CNTN1: variants seen among roughly 807,000 people sequenced by gnomAD.
CNTN1 encodes contactin 1.
CNTN1 carries 38 observed loss-of-function variants against 126.4 expected under a neutral mutation model. The ratio of observed to expected loss-of-function variants is 0.30; its 90% CI spans 0.23 to 0.39. The LOEUF (loss-of-function observed/expected upper bound fraction) is 0.39. Among genes scored for constraint, CNTN1 ranks in the 10% least tolerant of loss-of-function variants. The pLI is 1.00. For synonymous variants in CNTN1, 413 were observed against 422.6 expected (o/e 0.98, Z 0.28); for missense variants, 1,009 against 1,248.4 (o/e 0.81, Z 2.89).
In CNTN1 at chr12:40,917,221, C is replaced by A. The variant is rs141438591; in HGVS notation, c.95-1418C>A. Among the ~76,000 whole-genome samples the A allele has an allele frequency of 2.5e-3, 376 of 151,992 alleles. 1 individual carries two copies. The highest frequency in any genetic ancestry group is 8.4e-3 in the African/African-American group (350 of 41,474). The stretch of plus-strand genomic sequence containing the variant: ...AGAAGCTTCATGATTAGTTGAATAG[C>A]TTATATACATAAGAAACATAAACAA... On this transcript the variant is annotated intron_variant, in intron 3 of 23. Coordinates refer to ENST00000551295, the MANE Select transcript of CNTN1 (RefSeq NM_001843.4).
rs1950171523 is a variant in CNTN1 at position 41,072,299 on chromosome 12, T to C, written c.*2264T>C. On this transcript the variant is annotated 3_prime_UTR_variant, in exon 24 of 24. Coordinates refer to ENST00000551295, the MANE Select transcript of CNTN1 (RefSeq NM_001843.4). Reference sequence around the variant, plus strand: ...TGATACTGATAAATATTGAATTGATTTTTTAGTTATTTTTTATCATTTTTT... The same window carrying C: ...TGATACTGATAAATATTGAATTGATCTTTTAGTTATTTTTTATCATTTTTT... 1 of 152,214 alleles carries C rather than the reference T, an allele frequency of 6.6e-6. No individual in the cohort carries two copies. Among genetic ancestry groups the C allele is most frequent in the African/African-American group, 2.4e-5 (1 of 41,460 alleles). 9.4% of individuals were successfully genotyped at this position (152,214 alleles called of 1,614,324 possible). A position where few individuals can be genotyped will look rare whatever the true frequency, so the allele number is the denominator to read the frequency against.
At chr12:40,920,496 A>T (rs916217797) in intron 4 of CNTN1, among the ~76,000 whole-genome samples, 1 of 110,942 alleles carries the variant, frequency 9.0e-6, no homozygotes. Flanking sequence ...TGCATTTGAC[A>T]GGAAAAAAAA....
intron 15 of CNTN1, among the ~76,000 whole-genome samples, chr12:40,959,512 A>C (rs1486245262): frequency 6.6e-6 from 1 of 152,098 alleles, no homozygotes; most frequent in East Asian, 1.9e-4. Context: ...ACTTACCAAA[A>C]GTTCTCGTTT....
At chr12:41,057,123 A>C (rs1404409634) in intron 23 of CNTN1, among the ~76,000 whole-genome samples, 3 of 142,382 alleles carry the variant, frequency 2.1e-5, no homozygotes, top group South Asian at 2.1e-4. Flanking sequence ...TATTATATTT[A>C]GATATTTATA....
At chr12:40,721,702 T>C (rs1375859549) in intron 1 of CNTN1, among the ~76,000 whole-genome samples, 24 of 76,740 alleles carry the variant, frequency 3.1e-4, no homozygotes, top group African/African-American at 3.6e-4. Context: ...CCCTCCCCCC[T>C]CCCCCCACCC....
intron 1 of CNTN1, among the ~76,000 whole-genome samples, chr12:40,745,836 CAG>C (rs1938159323): frequency 6.6e-6 from 1 of 152,010 alleles, no homozygotes; most frequent in African/African-American, 2.4e-5. Flanking sequence ...GATGTTATGC[CAG>C]AGTCAGGTTG....
chr12:40,789,252 C>T (rs1394540475), intron 1 of CNTN1, among the ~76,000 whole-genome samples: 2 of 152,082 alleles, frequency 1.3e-5, no homozygotes, highest in Admixed American at 1.3e-4. Flanking sequence ...CAACTATTTG[C>T]ATTTTGATAA....
chr12:40,871,675 A>G (rs1277287235), intron 1 of CNTN1, among the ~76,000 whole-genome samples: 3 of 152,178 alleles, frequency 2.0e-5, no homozygotes, highest in African/African-American at 7.2e-5. Context: ...TGTTAAGGTT[A>G]TATTTTGCAT....
intron 1 of CNTN1, among the ~76,000 whole-genome samples, chr12:40,773,890 A>T (rs1939474194): frequency 1.3e-5 from 2 of 151,382 alleles, no homozygotes; most frequent in South Asian, 4.1e-4. Context: ...TTAGTATTGG[A>T]CACAGAACTC....
At chr12:40,721,969 G>A (rs1565647069) in intron 1 of CNTN1, among the ~76,000 whole-genome samples, 1 of 150,988 alleles carries the variant, frequency 6.6e-6, no homozygotes, top group Non-Finnish European at 1.5e-5. Context: ...CATTTGGGTT[G>A]GTTCCAAGTC....
chr12:40,997,966 A>G (rs1340446984), intron 17 of CNTN1, among the ~76,000 whole-genome samples: 3 of 152,158 alleles, frequency 2.0e-5, no homozygotes, highest in Non-Finnish European at 4.4e-5. Context: ...TTCACACAAC[A>G]CAATGTCCAT....
At chr12:40,819,366 C>T (rs1373464782) in intron 1 of CNTN1, among the ~76,000 whole-genome samples, 1 of 152,114 alleles carries the variant, frequency 6.6e-6, no homozygotes, top group Non-Finnish European at 1.5e-5. Context: ...GAATTCTGTC[C>T]CTGAGCCTCT....
chr12:40,920,421 T>C (rs1945394312), intron 4 of CNTN1, among the ~76,000 whole-genome samples: 1 of 151,852 alleles, frequency 6.6e-6, no homozygotes, highest in Non-Finnish European at 1.5e-5. Context: ...GGCCTGGTTA[T>C]CCATACACTA....
At chr12:41,014,353 CA>C in intron 18 of CNTN1, 55 bp downstream of exon 18, 1 of 1,557,352 alleles carries the variant, frequency 6.4e-7, no homozygotes, top group Middle Eastern at 1.7e-4. Flanking sequence ...ATTTAACTTC[CA>C]CCCCATTTTG....
chr12:40,830,993 A>G (rs1206627799), intron 1 of CNTN1, among the ~76,000 whole-genome samples: 3 of 142,764 alleles, frequency 2.1e-5, no homozygotes, highest in African/African-American at 5.1e-5. Context: ...TATATGAAAC[A>G]TATATACTAT....
chr12:41,051,554 C>G (rs1286988723), intron 23 of CNTN1, among the ~76,000 whole-genome samples: 1 of 149,950 alleles, frequency 6.7e-6, no homozygotes, highest in East Asian at 2.0e-4. Flanking sequence ...GAAACAAAAC[C>G]AAAAAAAATA....
chr12:40,898,260 C>G (rs1029155652), intron 1 of CNTN1, among the ~76,000 whole-genome samples: 1 of 151,958 alleles, frequency 6.6e-6, no homozygotes, highest in Non-Finnish European at 1.5e-5. Flanking sequence ...TTTGATTTAC[C>G]AGTACTTATG....
chr12:41,004,402 G>T (rs921351289), intron 17 of CNTN1, among the ~76,000 whole-genome samples: 2 of 152,156 alleles, frequency 1.3e-5, no homozygotes, highest in African/African-American at 2.4e-5. Flanking sequence ...GCAATGAGAA[G>T]AATATATATT....
At chr12:40,902,908 C>A (rs1247546644) in intron 1 of CNTN1, among the ~76,000 whole-genome samples, 1 of 151,790 alleles carries the variant, frequency 6.6e-6, no homozygotes, top group African/African-American at 2.4e-5. Flanking sequence ...AATGAGAAAA[C>A]CCTAGTGTTG....
Sources: allele counts gnomAD v4.1 joint callset (sites outside exome capture counted in the v4.1 genomes callset), GRCh38; gene constraint gnomAD v4.1.1; transcripts MANE v1.5; gene names NCBI Gene and HGNC (gene_info 2026-07-23, HGNC 2026-07-21).